Variants in YEATS2 observed in about 807,000 individuals in gnomAD.
The protein encoded by YEATS2 is YEATS domain-containing protein 2.
A neutral mutation model predicts 163.2 loss-of-function variants in YEATS2; 77 were observed. That is an observed-to-expected ratio of 0.47 (90% confidence interval 0.39 to 0.57). YEATS2 has a LOEUF of 0.57. Ranked by LOEUF, YEATS2 falls within the 20% of genes least tolerant of loss-of-function variation. YEATS2 has a pLI of 0.00. For synonymous variants in YEATS2, 631 were observed against 645.1 expected (o/e 0.98, Z 0.33); for missense variants, 1,549 against 1,729.8 (o/e 0.90, Z 1.85).
chr3:183,804,634 G>A (rs181728537), intron 27 of YEATS2, among the ~76,000 whole-genome samples: 5 of 152,272 alleles, frequency 3.3e-5, no homozygotes, highest in Admixed American at 6.5e-5. Flanking sequence ...CACCCAGTGC[G>A]GGAGGCACTT....
intron 1 of YEATS2, among the ~76,000 whole-genome samples, chr3:183,711,223 C>A (rs1304582499): frequency 6.6e-6 from 1 of 152,028 alleles, no homozygotes; most frequent in East Asian, 1.9e-4. Context: ...GTAATCCCAG[C>A]ACTTTGGGAG....
intron 7 of YEATS2, among the ~76,000 whole-genome samples, chr3:183,730,560 C>T (rs941638230): frequency 1.3e-5 from 2 of 152,076 alleles, no homozygotes; most frequent in Non-Finnish European, 2.9e-5. Context: ...TACCACTGGG[C>T]CTGGGGGTGG....
At chr3:183,716,425 C>T (rs73174088) in intron 2 of YEATS2, among the ~76,000 whole-genome samples, 1 of 152,196 alleles carries the variant, frequency 6.6e-6, no homozygotes, top group Non-Finnish European at 1.5e-5. Context: ...GAAGAAAATT[C>T]CTATTTCTGT....
rs773306965 is a variant in YEATS2, at chr3:183,786,128, G to C, written c.2740G>C (p.Ala914Pro). 1.2e-6 allele frequency: 2 copies of C among 1,611,976 alleles called. No homozygotes were observed. Reference sequence around the variant, plus strand: ...TCTGCCCATCTTGTTTCTGCAGGCAGCCCATGGAGGACAGGCATCTCTAAT... The same window carrying C: ...TCTGCCCATCTTGTTTCTGCAGGCACCCCATGGAGGACAGGCATCTCTAAT... ...GQKTTLFTQA[A>P]HGGQASLMKI... The change falls in exon 20 of 31, where the codon GCC (alanine) becomes CCC (proline). Residue 914 changes from alanine (A) to proline (P), a missense_variant. Coordinates refer to ENST00000305135, the MANE Select transcript of YEATS2 (RefSeq NM_018023.5).
rs569452892 is a variant in YEATS2, at chr3:183,746,163, A to G, written c.925-1509A>G. On this transcript the variant is annotated intron_variant, in intron 8 of 30. Transcript: ENST00000305135. ...CTGCAACCTCAACCTCCTGGGCTCAAGAGATCCTCCTGCGTCAGCCTCCTG... is the reference window on the plus strand; with the variant it reads ...CTGCAACCTCAACCTCCTGGGCTCAGGAGATCCTCCTGCGTCAGCCTCCTG... Among the ~76,000 whole-genome samples, 16 of 152,260 alleles carry G rather than the reference A, an allele frequency of 1.1e-4. No individual in the cohort carries two copies. The East Asian group carries it at 2.1e-3, about 20-fold the overall frequency.
intron 9 of YEATS2, among the ~76,000 whole-genome samples, chr3:183,748,916 G>A (rs1719853398): frequency 6.6e-6 from 1 of 151,876 alleles, no homozygotes; most frequent in Non-Finnish European, 1.5e-5. Context: ...ATATATATAT[G>A]TGTGTGTATA....
At position 183,743,585 on chromosome 3, in the gene YEATS2, A is replaced by G. The variant is rs560109968; in HGVS notation, c.925-4087A>G. Among the ~76,000 whole-genome samples, 4 of 152,122 alleles carry G rather than the reference A, an allele frequency of 2.6e-5. No individual in the cohort carries two copies. In the South Asian group the frequency reaches 8.3e-4, roughly 32 times the overall value. ...GGTCTCAAACTCCTGGACTAAAACAATCTACCCTCCTCAGCCTCCCAAAGT... is the reference window on the plus strand; with the variant it reads ...GGTCTCAAACTCCTGGACTAAAACAGTCTACCCTCCTCAGCCTCCCAAAGT... On this transcript the variant is annotated intron_variant, in intron 8 of 30. Coordinates refer to ENST00000305135, the MANE Select transcript of YEATS2 (RefSeq NM_018023.5).
intron 22 of YEATS2, among the ~76,000 whole-genome samples, chr3:183,798,407 G>A (rs1725360137): frequency 6.6e-6 from 1 of 152,222 alleles, no homozygotes; most frequent in Non-Finnish European, 1.5e-5. Flanking sequence ...GAGCTGGAGT[G>A]CAGTGGCAAG....
chr3:183,793,195 C>T, intron 21 of YEATS2: 1 of 1,279,960 alleles, frequency 7.8e-7, no homozygotes, highest in Non-Finnish European at 1.0e-6. Context: ...CACACTCACG[C>T]ATGCAGACAA....
In YEATS2 at chr3:183,810,726, G is replaced by A. The variant is rs1053579658; in HGVS notation, c.*143G>A. The A allele has an allele frequency of 4.4e-6, 3 of 686,074 alleles. No individual in the cohort carries two copies. The highest frequency in any genetic ancestry group is 1.8e-5 in the South Asian group (1 of 56,396). 42.5% of individuals were successfully genotyped at this position (686,074 alleles called of 1,614,324 possible). A position where few individuals can be genotyped will look rare whatever the true frequency, so the allele number is the denominator to read the frequency against. On this transcript the variant is annotated 3_prime_UTR_variant, in exon 31 of 31. Coordinates refer to ENST00000305135, the MANE Select transcript of YEATS2 (RefSeq NM_018023.5). Reference sequence around the variant, plus strand: ...AACCTTTGCCGCTGCCTGTTCCCACGTGTCACCAGCACGCTGCACTCCAGA... The same window carrying A: ...AACCTTTGCCGCTGCCTGTTCCCACATGTCACCAGCACGCTGCACTCCAGA...
chr3:183,761,971 C>T (rs533383957), intron 14 of YEATS2, 126 bp from the exon 15 acceptor site: 1 of 1,286,506 alleles, frequency 7.8e-7, no homozygotes, highest in African/African-American at 1.5e-5. Context: ...CTGGTGGAGT[C>T]ATTCTTTACG....
chr3:183,699,590 T>C (rs1003670723), intron 1 of YEATS2, among the ~76,000 whole-genome samples: 2 of 151,594 alleles, frequency 1.3e-5, no homozygotes, highest in Non-Finnish European at 2.9e-5. Context: ...GTAGATGATA[T>C]TCAAAGGTAT....
chr3:183,754,871 T>G (rs1377578498), intron 11 of YEATS2, among the ~76,000 whole-genome samples: 1 of 152,242 alleles, frequency 6.6e-6, no homozygotes, highest in East Asian at 1.9e-4. Context: ...TGGATTATCT[T>G]TTGCCTTGTG....
chr3:183,786,283 A>C lies in YEATS2; in HGVS notation c.2895A>C (p.Ala965=). The part of the protein sequence containing the change: ...TATSPAVALS[A]NGPAQQSEGM... ...CTTCCCCTGCCGTGGCCCTCTCAGCAAACGGTCCTGCACAACAGGTGAGAA... is the reference window on the plus strand; with the variant it reads ...CTTCCCCTGCCGTGGCCCTCTCAGCCAACGGTCCTGCACAACAGGTGAGAA... The change falls in exon 20 of 31, where the codon GCA becomes GCC. Residue 965 remains alanine (A), a synonymous_variant. Coordinates refer to ENST00000305135, the MANE Select transcript of YEATS2 (RefSeq NM_018023.5). 2 of 1,613,468 alleles carry C rather than the reference A, an allele frequency of 1.2e-6. No individual in the cohort carries two copies. Among genetic ancestry groups the C allele is most frequent in the Non-Finnish European group, 1.7e-6 (2 of 1,179,514 alleles).
rs1230707090 is a variant in YEATS2 at position 183,797,975 on chromosome 3, G to T, written c.3150G>T (p.Thr1050=). The T allele has an allele frequency of 6.2e-6, 10 of 1,613,998 alleles. No individual in the cohort carries two copies. The highest frequency in any genetic ancestry group is 8.5e-6 in the Non-Finnish European group (10 of 1,180,002). ...SQSSPQQAVL[T]IPSQLKPLSV... ...CCAGTCCGCAGCAGGCCGTCCTGACGATTCCCAGCCAGCTCAAACCACTCA... is the reference window on the plus strand; with the variant it reads ...CCAGTCCGCAGCAGGCCGTCCTGACTATTCCCAGCCAGCTCAAACCACTCA... Residue 1050 remains threonine, a synonymous_variant, in exon 22 of 31, where the codon ACG becomes ACT. Coordinates refer to ENST00000305135, the MANE Select transcript of YEATS2 (RefSeq NM_018023.5).
chr3:183,731,757 G>C lies in YEATS2; in HGVS notation c.812+2906G>C, dbSNP rs558952267. On this transcript the variant is annotated intron_variant, in intron 7 of 30. Coordinates refer to ENST00000305135, the MANE Select transcript of YEATS2 (RefSeq NM_018023.5). ...GTAAATGAACTTTGTTTCATTACCT[G>C]TATGAGGTTTGACGTCATCGAAATA... 2.6e-5 allele frequency among the ~76,000 whole-genome samples: 4 copies of C among 152,294 alleles called. No homozygotes were observed. In the East Asian group the frequency reaches 7.7e-4, roughly 29 times the overall value.
rs747185696 is a variant in YEATS2, at chr3:183,756,654, C to T, written c.1517C>T (p.Pro506Leu). The change falls in exon 12 of 31, where the codon CCG (proline) becomes CTG (leucine). Residue 506 changes from proline (P) to leucine (L), a missense_variant. Physicochemically the swap from Pro to Leu is moderately conservative, Grantham distance 98 (BLOSUM62 -3). Transcript: ENST00000305135. ...CCTTATGTTATCATGGACAAGCAGCCGGGGCAGGTGATTGGAGCCACCACT... is the reference window on the plus strand; with the variant it reads ...CCTTATGTTATCATGGACAAGCAGCTGGGGCAGGTGATTGGAGCCACCACT... ...NNPYVIMDKQ[P>L]GQVIGATTPS... The T allele has an allele frequency of 1.9e-5, 31 of 1,591,718 alleles. No homozygotes were observed. The highest frequency in any genetic ancestry group is 1.9e-4 in the African/African-American group (14 of 74,258).
chr3:183,706,093 C>T (rs1714589689), intron 1 of YEATS2, among the ~76,000 whole-genome samples: 2 of 151,422 alleles, frequency 1.3e-5, no homozygotes, highest in Admixed American at 1.3e-4. Flanking sequence ...TGAGCACTTC[C>T]AGGAACTTTG....
chr3:183,804,871 C>G (rs1726026974), intron 27 of YEATS2, among the ~76,000 whole-genome samples: 1 of 152,078 alleles, frequency 6.6e-6, no homozygotes, highest in Admixed American at 6.6e-5. Flanking sequence ...CGCCTGTGGT[C>G]CCAGCTACTT....
Sources: gnomAD v4.1 joint callset for allele counts (sites outside exome capture counted in the v4.1 genomes callset) on GRCh38, gnomAD v4.1.1 for gene constraint, MANE v1.5 for transcripts, NCBI Gene and HGNC (gene_info 2026-07-23, HGNC 2026-07-21) for gene names.